GUCY1A1: variants seen among roughly 807,000 people sequenced by gnomAD.
The protein encoded by GUCY1A1 is guanylate cyclase 1 soluble subunit alpha 1, also known as guanylate cyclase soluble subunit alpha-1.
Under a neutral mutation model 64.5 loss-of-function variants are expected in GUCY1A1, and 48 were observed. The observed-to-expected ratio is 0.74, with a 90% CI of 0.59 to 0.95. GUCY1A1 has a LOEUF of 0.95. Ranked by LOEUF, GUCY1A1 falls within the 40% of genes least tolerant of loss-of-function variation. The probability of loss-of-function intolerance (pLI) is 0.00; values close to 1 mark genes in which losing one functional copy is unlikely to be tolerated. For synonymous variants in GUCY1A1, 308 were observed against 303.4 expected, an observed-to-expected ratio of 1.02 and a Z score of -0.16; for missense variants, 804 against 825.3, an observed-to-expected ratio of 0.97 and a Z score of 0.32.
chr4:155,723,503 T>C (rs9993460), intron 9 of GUCY1A1, among the ~76,000 whole-genome samples: 53,791 of 151,966 alleles, frequency 0.35, 9,813 homozygotes, highest in East Asian at 0.52. Flanking sequence ...TCTCATTATA[T>C]TGGAAACTCT....
chr4:155,670,477 C>T (rs1172295816), intron 2 of GUCY1A1, among the ~76,000 whole-genome samples: 2 of 152,126 alleles, frequency 1.3e-5, no homozygotes, highest in African/African-American at 2.4e-5. Flanking sequence ...TTTGAAATGT[C>T]TTACCTATTA....
At chr4:155,698,201 G>A (rs1471730010) in intron 3 of GUCY1A1, among the ~76,000 whole-genome samples, 1 of 151,956 alleles carries the variant, frequency 6.6e-6, no homozygotes, top group African/African-American at 2.4e-5. Context: ...AGTCCAGGCT[G>A]GAATGACTGA....
At chr4:155,682,069 C>T (rs531550761) in intron 2 of GUCY1A1, among the ~76,000 whole-genome samples, 15 of 152,162 alleles carry the variant, frequency 9.9e-5, no homozygotes, top group Non-Finnish European at 1.9e-4. Context: ...CCACATCATG[C>T]CAACTTTAAT....
At chr4:155,668,004 T>A (rs556779110) in intron 2 of GUCY1A1, 1 of 152,384 alleles carries the variant, frequency 6.6e-6, no homozygotes, top group South Asian at 2.1e-4. Context: ...GCCGGCTAAC[T>A]GCCCAGCGGC....
At chr4:155,685,094 G>C (rs994224116) in intron 2 of GUCY1A1, among the ~76,000 whole-genome samples, 1 of 152,122 alleles carries the variant, frequency 6.6e-6, no homozygotes, top group African/African-American at 2.4e-5. Context: ...TTCATTTCCT[G>C]TTTCTGCCAC....
intron 6 of GUCY1A1, 52 bp downstream of exon 6, chr4:155,711,303 A>G (rs971427267): frequency 1.0e-6 from 1 of 954,176 alleles, no homozygotes. Context: ...CATATTTAAG[A>G]GCAAGAAACA....
intron 2 of GUCY1A1, among the ~76,000 whole-genome samples, chr4:155,690,184 T>G (rs1729547543): frequency 6.6e-6 from 1 of 152,198 alleles, no homozygotes; most frequent in Non-Finnish European, 1.5e-5. Context: ...TATGGACTAT[T>G]TTGATTGTGC....
chr4:155,722,320 T>C, intron 9 of GUCY1A1, 128 bp downstream of exon 9: 4 of 1,450,426 alleles, frequency 2.8e-6, no homozygotes, highest in Non-Finnish European at 3.6e-6. Flanking sequence ...AGAAACGTGA[T>C]AACTTTTATC....
In GUCY1A1 at chr4:155,711,102, G is replaced by C; in HGVS notation, c.937G>C (p.Asp313His). 6.2e-7 allele frequency: 1 copy of C among 1,613,856 alleles called. No homozygotes were observed. The highest frequency in any genetic ancestry group is 1.1e-5 in the South Asian group (1 of 91,078). The change falls in exon 6 of 10, where the codon GAC becomes CAC. Residue 313 changes from aspartate to histidine, a missense_variant. By Grantham distance (81) the Asp-to-His change is moderately conservative (BLOSUM62 -1). Transcript: ENST00000506455. ...NGIRRLMNRRDFQGKPNFEEY... is the reference protein window; with the variant it reads ...NGIRRLMNRRHFQGKPNFEEY... ...CATCAGAAGGCTGATGAACAGGAGAGACTTTCAAGGAAAGCCTAATTTTGA... is the reference window on the plus strand; with the variant it reads ...CATCAGAAGGCTGATGAACAGGAGACACTTTCAAGGAAAGCCTAATTTTGA...
At chr4:155,707,570 C>T (rs1192043938) in intron 4 of GUCY1A1, among the ~76,000 whole-genome samples, 1 of 150,590 alleles carries the variant, frequency 6.6e-6, no homozygotes, top group East Asian at 2.0e-4. Context: ...ACAGTTTCCA[C>T]TGAATACTTA....
chr4:155,711,161 C>T lies in GUCY1A1; in HGVS notation c.996C>T (p.Asn332=), dbSNP rs767394721. The change falls in exon 6 of 10, where the codon AAC becomes AAT. Residue 332 remains asparagine, a synonymous_variant. Coordinates refer to ENST00000506455, the MANE Select transcript of GUCY1A1 (RefSeq NM_001130682.3). ...EYFEILTPKI[N]QTFSGIMTML... is the part of the protein sequence containing the mutation. ...TTGAAATTCTGACTCCAAAAATCAA[C>T]CAGACGTTTAGCGGGATCATGACTA... The T allele has an allele frequency of 5.6e-6, 9 of 1,613,554 alleles. No individual in the cohort carries two copies. Among genetic ancestry groups the T allele is most frequent in the Non-Finnish European group, 7.6e-6 (9 of 1,179,590 alleles).
chr4:155,707,386 A>G (rs528290687), intron 4 of GUCY1A1, among the ~76,000 whole-genome samples: 1 of 152,344 alleles, frequency 6.6e-6, no homozygotes, highest in East Asian at 1.9e-4. Context: ...AAAGTAGCAT[A>G]GAGTTAGGCA....
intron 2 of GUCY1A1, among the ~76,000 whole-genome samples, chr4:155,670,198 C>A (rs1733941689): frequency 6.6e-6 from 1 of 152,126 alleles, no homozygotes; most frequent in East Asian, 1.9e-4. Context: ...AATATTTACC[C>A]AAGCCACTTT....
chr4:155,732,136 C>T lies in GUCY1A1; in HGVS notation c.*1905C>T, dbSNP rs1002054494. The T allele has an allele frequency of 2.0e-5, 3 of 151,920 alleles. No homozygotes were observed. The highest frequency in any genetic ancestry group is 3.4e-3 in the Middle Eastern group (1 of 294). The allele number at this position is 151,920 out of a possible 1,614,324, so 9.4% of individuals were successfully genotyped here. On this transcript the variant is annotated 3_prime_UTR_variant, in exon 10 of 10. Coordinates refer to ENST00000506455, the MANE Select transcript of GUCY1A1 (RefSeq NM_001130682.3). ...CTTGATCAAACATTTCAGCAGACCT[C>T]AATTTGCTTACAATCTGTACTCAAA...
chr4:155,712,823 A>G (rs1318741043), intron 6 of GUCY1A1, among the ~76,000 whole-genome samples: 2 of 152,242 alleles, frequency 1.3e-5, no homozygotes, highest in Non-Finnish European at 2.9e-5. Flanking sequence ...CAAAAGCATC[A>G]GCATGCTGCT....
At chr4:155,687,097 T>TAA (rs1389509590) in intron 2 of GUCY1A1, among the ~76,000 whole-genome samples, 6 of 152,214 alleles carry the variant, frequency 3.9e-5, no homozygotes, top group African/African-American at 1.4e-4. Flanking sequence ...TTCATAAGTA[T>TAA]AAAACATTAA....
At chr4:155,693,444 A>G (rs78185885) in intron 2 of GUCY1A1, among the ~76,000 whole-genome samples, 2,342 of 152,230 alleles carry the variant, frequency 0.015, 50 homozygotes, top group East Asian at 0.085. Flanking sequence ...TTCTGAAGTT[A>G]CTGCTAACGT....
intron 9 of GUCY1A1, 27 bp downstream of exon 9, chr4:155,722,219 T>G (rs1176654610): frequency 1.3e-6 from 2 of 1,599,666 alleles, no homozygotes; most frequent in Admixed American, 1.7e-5. Context: ...ACACCTAAAA[T>G]CTCTTGTTTT....
intron 9 of GUCY1A1, among the ~76,000 whole-genome samples, chr4:155,724,105 C>G (rs75097582): frequency 1.7e-3 from 257 of 152,140 alleles, no homozygotes; most frequent in African/African-American, 5.8e-3. Context: ...GCAGAGCTAC[C>G]CCAGTACTCA....
Sources: gnomAD v4.1 joint callset for allele counts (sites outside exome capture counted in the v4.1 genomes callset) on GRCh38, gnomAD v4.1.1 for gene constraint, MANE v1.5 for transcripts, NCBI Gene and HGNC (gene_info 2026-07-23, HGNC 2026-07-21) for gene names.